DUSP22: variants seen among roughly 807,000 people sequenced by gnomAD.
The protein encoded by DUSP22 is dual specificity phosphatase 22.
DUSP22 carries 24 observed loss-of-function variants against 24.5 expected under a neutral mutation model. The observed-to-expected ratio is 0.98, with a 90% CI of 0.71 to 1.38. DUSP22 has a LOEUF of 1.38. DUSP22 is among the 40% of genes most tolerant of loss of function. DUSP22 has a pLI of 0.00. For synonymous variants in DUSP22, 160 were observed against 106.4 expected (o/e 1.50, Z -3.10); for missense variants, 330 against 269.2 (o/e 1.23, Z -1.58).
rs1760151518 is a variant in DUSP22 at position 350,577 on chromosome 6, GC to G, written c.*1630del. 7.1e-7 allele frequency: 1 copy of G among 1,410,708 alleles called. No homozygotes were observed. The highest frequency in any genetic ancestry group is 2.7e-5 in the East Asian group (1 of 36,934). The allele number at this position is 1,410,708 out of a possible 1,614,324, so 87.4% of individuals were successfully genotyped here. On this transcript the variant is annotated 3_prime_UTR_variant, in exon 7 of 7. Coordinates refer to ENST00000419235, the MANE Select transcript of DUSP22 (RefSeq NM_001286555.3). Reference sequence around the variant, plus strand: ...TGCCTGATTCCGCGCAGGTGCACAGGCCCCGGATGTACACCCGGAAAGGGGA... The same window carrying G: ...TGCCTGATTCCGCGCAGGTGCACAGGCCCGGATGTACACCCGGAAAGGGGA...
At chr6:343,796 C>T (rs1407609966) in intron 4 of DUSP22, among the ~76,000 whole-genome samples, 1 of 152,294 alleles carries the variant, frequency 6.6e-6, no homozygotes, top group Non-Finnish European at 1.5e-5. Context: ...CTTCTGCAGT[C>T]AGTACCTGGG....
intron 1 of DUSP22, among the ~76,000 whole-genome samples, chr6:302,356 C>T (rs568491421): frequency 6.6e-6 from 1 of 152,428 alleles, no homozygotes; most frequent in East Asian, 1.9e-4. Flanking sequence ...GCAGGACCAG[C>T]TCCTTGCACT....
At chr6:304,524 G>A (rs1166421267) in intron 1 of DUSP22, 104 bp from the exon 2 acceptor site, 14 of 1,537,676 alleles carry the variant, frequency 9.1e-6, no homozygotes, top group Non-Finnish European at 1.3e-5. Flanking sequence ...TACTGGGGAA[G>A]CACCTGGCCT....
intron 3 of DUSP22, among the ~76,000 whole-genome samples, chr6:315,272 G>C (rs1257127024): frequency 1.3e-5 from 2 of 152,310 alleles, no homozygotes; most frequent in African/African-American, 4.8e-5. Context: ...GAGGAGCTCT[G>C]ACCCGTTTCT....
chr6:296,539 G>C (rs552767308), intron 1 of DUSP22, among the ~76,000 whole-genome samples: 1 of 152,294 alleles, frequency 6.6e-6, no homozygotes, highest in Admixed American at 6.5e-5. Flanking sequence ...TGCAAATGTC[G>C]TGTTCCTGTG....
At chr6:297,364 TC>T (rs1757383246) in intron 1 of DUSP22, among the ~76,000 whole-genome samples, 1 of 152,306 alleles carries the variant, frequency 6.6e-6, no homozygotes, top group Admixed American at 6.5e-5. Context: ...TTTTGAGTGT[TC>T]TTGGATGTGA....
In DUSP22 at chr6:343,158, C is replaced by A. The variant is rs541549060; in HGVS notation, c.189-2696C>A. Among the ~76,000 whole-genome samples, 3 of 152,430 alleles carry A rather than the reference C, an allele frequency of 2.0e-5. No individual in the cohort carries two copies. The East Asian group carries it at 5.8e-4, about 29-fold the overall frequency. On this transcript the variant is annotated intron_variant, in intron 4 of 6. Transcript: ENST00000419235. Reference sequence around the variant, plus strand: ...GAATCCTTTCTTGCCTGCTGTGTACCAAGCCACCTTATTACATCTGGGTGC... The same window carrying A: ...GAATCCTTTCTTGCCTGCTGTGTACAAAGCCACCTTATTACATCTGGGTGC...
Position 348,196 on chromosome 6 carries a change from TG to T in DUSP22, c.358del (p.Ala120LeufsTer31). 6.2e-7 allele frequency: 1 copy of T among 1,614,314 alleles called. No homozygotes were observed. The highest frequency in any genetic ancestry group is 8.5e-7 in the Non-Finnish European group (1 of 1,180,058). On this transcript the variant is annotated frameshift_variant, in exon 6 of 7. Coordinates refer to ENST00000419235, the MANE Select transcript of DUSP22 (RefSeq NM_001286555.3). LOFTEE classifies it high-confidence loss of function. ...GGGAGGATGCCCTGCACACCGTGCG[TG>T]CTGGGAGATCCTGTGCCAACCCCAA... is the stretch of plus-strand genomic sequence containing the variant. ...GWEDALHTVRAGRSCANPNVG... is the reference protein window; with the variant it reads ...GWEDALHTVRXGRSCANPNVG...
At chr6:331,852 T>A (rs1451740031) in intron 3 of DUSP22, among the ~76,000 whole-genome samples, 1 of 152,300 alleles carries the variant, frequency 6.6e-6, no homozygotes, top group Non-Finnish European at 1.5e-5. Flanking sequence ...TTTGACTCCT[T>A]CCTTGACTGA....
At chr6:303,084 C>T (rs1036235156) in intron 1 of DUSP22, among the ~76,000 whole-genome samples, 6 of 152,416 alleles carry the variant, frequency 3.9e-5, no homozygotes, top group East Asian at 3.9e-4. Flanking sequence ...AGAAGAGCCA[C>T]ATGGCAATGA....
intron 3 of DUSP22, among the ~76,000 whole-genome samples, chr6:323,127 T>C (rs1758687849): frequency 6.6e-6 from 1 of 152,308 alleles, no homozygotes; most frequent in Non-Finnish European, 1.5e-5. Context: ...CAATAGCACC[T>C]AGCTAGTTTC....
chr6:302,628 A>G (rs1200120029), intron 1 of DUSP22, among the ~76,000 whole-genome samples: 1 of 152,308 alleles, frequency 6.6e-6, no homozygotes, highest in Admixed American at 6.5e-5. Flanking sequence ...ATTGTGCCTG[A>G]GGAACTTTAG....
chr6:340,608 C>T (rs1759565384), intron 4 of DUSP22, among the ~76,000 whole-genome samples: 1 of 152,304 alleles, frequency 6.6e-6, no homozygotes, highest in African/African-American at 2.4e-5. Context: ...AGGATGCTTG[C>T]CTTTTTTGGA....
intron 4 of DUSP22, among the ~76,000 whole-genome samples, chr6:336,839 A>C (rs367660715): frequency 9.3e-3 from 1,417 of 151,882 alleles, no homozygotes; most frequent in African/African-American, 0.033. Flanking sequence ...AAGTGGTTGG[A>C]AGGCATGGTG....
chr6:295,666 G>A (rs1757291178), intron 1 of DUSP22, among the ~76,000 whole-genome samples: 1 of 152,090 alleles, frequency 6.6e-6, no homozygotes, highest in African/African-American at 2.4e-5. Context: ...AGTGTGTGGT[G>A]GCTTGTGCCT....
At chr6:333,342 G>A (rs1450623387) in intron 3 of DUSP22, among the ~76,000 whole-genome samples, 1 of 152,306 alleles carries the variant, frequency 6.6e-6, no homozygotes. Context: ...TGGATAAACA[G>A]CAATAAAGTT....
chr6:295,997 A>G (rs539670007), intron 1 of DUSP22, among the ~76,000 whole-genome samples: 175 of 148,678 alleles, frequency 1.2e-3, no homozygotes, highest in Non-Finnish European at 2.0e-3. Context: ...ACTGATTTTG[A>G]AGATAGGAAA....
intron 3 of DUSP22, among the ~76,000 whole-genome samples, chr6:317,261 A>G (rs1168035754): frequency 6.6e-6 from 1 of 152,300 alleles, no homozygotes; most frequent in Non-Finnish European, 1.5e-5. Flanking sequence ...CCCAGCGGCC[A>G]CGTGGGCCTG....
At chr6:300,936 C>G (rs1757554202) in intron 1 of DUSP22, among the ~76,000 whole-genome samples, 1 of 152,308 alleles carries the variant, frequency 6.6e-6, no homozygotes, top group South Asian at 2.1e-4. Context: ...TCTGGGGCTA[C>G]CGCAAGATGC....
Sources: allele counts gnomAD v4.1 joint callset (sites outside exome capture counted in the v4.1 genomes callset), GRCh38; gene constraint gnomAD v4.1.1; transcripts MANE v1.5; gene names NCBI Gene and HGNC (gene_info 2026-07-23, HGNC 2026-07-21).